The following DCBLD2 variants were observed in gnomAD, a reference collection of about 807,000 sequenced individuals.
DCBLD2 encodes discoidin, CUB and LCCL domain-containing protein 2.
Under a neutral mutation model 86.8 loss-of-function variants are expected in DCBLD2, and 54 were observed. That is an observed-to-expected ratio of 0.62 (90% CI 0.50 to 0.78). DCBLD2 has a LOEUF of 0.78. Ranked by LOEUF, DCBLD2 falls within the 30% of genes least tolerant of loss-of-function variation. The probability of loss-of-function intolerance (pLI) is 0.00; values close to 1 mark genes in which losing one functional copy is unlikely to be tolerated. For missense variants in DCBLD2, 908 were observed against 954.2 expected (o/e 0.95, Z 0.64); for synonymous variants, 354 against 341.3 (o/e 1.04, Z -0.41).
intron 1 of DCBLD2, among the ~76,000 whole-genome samples, chr3:98,886,809 C>CTTTTTTTTTT (rs1553734159): frequency 3.3e-5 from 4 of 121,480 alleles, no homozygotes; most frequent in Non-Finnish European, 5.2e-5. Flanking sequence ...AACCCCCCCC[C>CTTTTTTTTTT]TTTTTTTTTT....
At chr3:98,820,207 A>T in intron 7 of DCBLD2, 41 bp downstream of exon 7, 1 of 1,297,526 alleles carries the variant, frequency 7.7e-7, no homozygotes, top group Non-Finnish European at 1.0e-6. Flanking sequence ...TTCAAAAAAT[A>T]TTATATAAAT....
chr3:98,808,675 T>C (rs1280392369), intron 12 of DCBLD2, among the ~76,000 whole-genome samples: 1 of 152,146 alleles, frequency 6.6e-6, no homozygotes, highest in Non-Finnish European at 1.5e-5. Flanking sequence ...AAAATACTAC[T>C]TTTGCTAATC....
chr3:98,885,845 G>A (rs1195593949), intron 1 of DCBLD2, among the ~76,000 whole-genome samples: 2 of 151,550 alleles, frequency 1.3e-5, no homozygotes. Flanking sequence ...CCATTTGGCA[G>A]TGTCTTGAGA....
chr3:98,814,701 A>T (rs569516483), intron 9 of DCBLD2: 3 of 152,230 alleles, frequency 2.0e-5, no homozygotes, highest in African/African-American at 7.2e-5. Context: ...GGTAAAATGA[A>T]TACACCAATT....
intron 13 of DCBLD2, among the ~76,000 whole-genome samples, chr3:98,806,428 T>A (rs1355454617): frequency 6.6e-6 from 1 of 152,184 alleles, no homozygotes; most frequent in Non-Finnish European, 1.5e-5. Context: ...AAATGCATCA[T>A]ACTCTCTCCT....
chr3:98,801,028 C>G (rs1941708807), intron 14 of DCBLD2, among the ~76,000 whole-genome samples: 1 of 152,180 alleles, frequency 6.6e-6, no homozygotes. Flanking sequence ...AAGATCTACC[C>G]TGGGGCACTA....
At chr3:98,839,334 AC>A (rs1196505801) in intron 3 of DCBLD2, among the ~76,000 whole-genome samples, 1 of 151,628 alleles carries the variant, frequency 6.6e-6, no homozygotes, top group Non-Finnish European at 1.5e-5. Flanking sequence ...CCGTTTGTGT[AC>A]CTGGGTGTTC....
intron 2 of DCBLD2, among the ~76,000 whole-genome samples, chr3:98,859,860 C>G (rs980857790): frequency 6.6e-6 from 1 of 152,224 alleles, no homozygotes; most frequent in African/African-American, 2.4e-5. Flanking sequence ...AGCAACGGAA[C>G]AAAGCTGGAC....
At chr3:98,873,750 GATT>G (rs1389642761) in intron 2 of DCBLD2, among the ~76,000 whole-genome samples, 1 of 151,898 alleles carries the variant, frequency 6.6e-6, no homozygotes, top group Non-Finnish European at 1.5e-5. Context: ...TGAAAATAGA[GATT>G]AATAATGTAG....
At chr3:98,802,303 C>T (rs1290199639) in intron 13 of DCBLD2, among the ~76,000 whole-genome samples, 1 of 152,092 alleles carries the variant, frequency 6.6e-6, no homozygotes, top group East Asian at 1.9e-4. Flanking sequence ...TCTCTGATGG[C>T]CAGTGATGAT....
intron 6 of DCBLD2, chr3:98,821,008 G>T (rs928602220): frequency 1.3e-5 from 2 of 150,934 alleles, no homozygotes; most frequent in African/African-American, 4.8e-5. Flanking sequence ...AGAAGGGAAG[G>T]TAGTTGAATC....
At position 98,889,396 on chromosome 3, in the gene DCBLD2, A is replaced by G. The variant is rs147952809; in HGVS notation, c.206-7629T>C. On this transcript the variant is annotated intron_variant, in intron 1 of 15. Transcript: ENST00000326840. Reference sequence around the variant, plus strand: ...TCCTATTTCCACCTCCCTGGATTCTAACAAGTATGTCAGAAAGATGACCTG... The same window carrying G: ...TCCTATTTCCACCTCCCTGGATTCTGACAAGTATGTCAGAAAGATGACCTG... Among the ~76,000 whole-genome samples, 1,340 of 152,126 alleles carry G rather than the reference A, an allele frequency of 8.8e-3. 14 individuals are homozygous for G. The highest frequency in any genetic ancestry group is 0.014 in the Non-Finnish European group (947 of 67,930).
chr3:98,888,141 G>A (rs1943593745), intron 1 of DCBLD2, among the ~76,000 whole-genome samples: 1 of 151,862 alleles, frequency 6.6e-6, no homozygotes, highest in Non-Finnish European at 1.5e-5. Context: ...TTCCTCCATG[G>A]TTTTTTGTGG....
intron 1 of DCBLD2, among the ~76,000 whole-genome samples, chr3:98,897,303 T>C (rs1943766737): frequency 6.6e-6 from 1 of 152,202 alleles, no homozygotes. Flanking sequence ...ATGTGCTGTT[T>C]CAATCTGATC....
chr3:98,862,894 T>C (rs921231071), intron 2 of DCBLD2, among the ~76,000 whole-genome samples: 21 of 152,212 alleles, frequency 1.4e-4, no homozygotes, highest in African/African-American at 4.8e-4. Flanking sequence ...GAGAAAGAAA[T>C]AAAGGGTATT....
chr3:98,865,711 T>A (rs1263171712), intron 2 of DCBLD2, among the ~76,000 whole-genome samples: 1 of 151,794 alleles, frequency 6.6e-6, no homozygotes, highest in African/African-American at 2.4e-5. Context: ...TTTCTTTTTT[T>A]ATATATATAT....
At chr3:98,871,391 C>A (rs1201190733) in intron 2 of DCBLD2, among the ~76,000 whole-genome samples, 1 of 152,070 alleles carries the variant, frequency 6.6e-6, no homozygotes, top group East Asian at 1.9e-4. Flanking sequence ...TTCAGTTTTT[C>A]CTCATTCAGT....
intron 2 of DCBLD2, among the ~76,000 whole-genome samples, chr3:98,872,657 G>A (rs913788898): frequency 6.6e-6 from 1 of 152,032 alleles, no homozygotes; most frequent in Non-Finnish European, 1.5e-5. Context: ...CATTAAAAAT[G>A]GACAAATCGG....
At chr3:98,897,139 CAT>C (rs1225117562) in intron 1 of DCBLD2, among the ~76,000 whole-genome samples, 1 of 152,128 alleles carries the variant, frequency 6.6e-6, no homozygotes. Context: ...GATATTTTTA[CAT>C]GTTTGTCTTT....
Sources: allele counts gnomAD v4.1 joint callset (sites outside exome capture counted in the v4.1 genomes callset), GRCh38; gene constraint gnomAD v4.1.1; transcripts MANE v1.5; gene names NCBI Gene and HGNC (gene_info 2026-07-23, HGNC 2026-07-21).